TENM4: variants seen among roughly 807,000 people sequenced by gnomAD.
TENM4 encodes the protein teneurin-4.
In TENM4, 82 loss-of-function variants were observed where a neutral mutation model predicts 243.3. That is an observed-to-expected ratio of 0.34 (90% CI 0.28 to 0.40). The LOEUF (loss-of-function observed/expected upper bound fraction) is 0.40. Among genes scored for constraint, TENM4 ranks in the 10% least tolerant of loss-of-function variants. The probability of loss-of-function intolerance (pLI) is 1.00; values close to 1 mark genes in which losing one functional copy is unlikely to be tolerated. For missense variants in TENM4, 3,138 were observed against 3,673.3 expected, an observed-to-expected ratio of 0.85 and a Z score of 3.77; for synonymous variants, 1,412 against 1,456.3, an observed-to-expected ratio of 0.97 and a Z score of 0.69.
chr11:78,690,895 A>G (rs1478143209), intron 28 of TENM4, among the ~76,000 whole-genome samples: 1 of 152,226 alleles, frequency 6.6e-6, no homozygotes, highest in African/African-American at 2.4e-5. Context: ...AAATAAGACT[A>G]TTCACTTGGA....
chr11:78,700,436 T>C (rs1308992071), intron 28 of TENM4, among the ~76,000 whole-genome samples: 1 of 152,188 alleles, frequency 6.6e-6, no homozygotes, highest in Non-Finnish European at 1.5e-5. Flanking sequence ...GTGTAGCTCC[T>C]AGCCCACAGC....
At chr11:79,396,579 C>T (rs565898877) in intron 1 of TENM4, among the ~76,000 whole-genome samples, 25 of 152,302 alleles carry the variant, frequency 1.6e-4, no homozygotes, top group East Asian at 1.4e-3. Context: ...CCCCTTCCAC[C>T]CCAGGGCAAG....
chr11:79,408,655 A>G (rs968623922), intron 1 of TENM4, among the ~76,000 whole-genome samples: 36 of 152,226 alleles, frequency 2.4e-4, no homozygotes, highest in Non-Finnish European at 5.9e-5. Context: ...TACATGCTTT[A>G]TTGGAGATGG....
chr11:79,300,432 T>C (rs1391213467), intron 1 of TENM4, among the ~76,000 whole-genome samples: 1 of 152,212 alleles, frequency 6.6e-6, no homozygotes, highest in African/African-American at 2.4e-5. Context: ...AATTTTTCAC[T>C]AGTGTAAATA....
intron 6 of TENM4, among the ~76,000 whole-genome samples, chr11:79,040,418 G>GGCCTCCT (rs1565178503): frequency 2.0e-5 from 3 of 152,064 alleles, no homozygotes; most frequent in African/African-American, 7.3e-5. Context: ...GCCAGCCTCC[G>GGCCTCCT]GCCTCCTGCC....
At chr11:78,868,467 G>C (rs1859041830) in intron 9 of TENM4, among the ~76,000 whole-genome samples, 1 of 152,214 alleles carries the variant, frequency 6.6e-6, no homozygotes, top group South Asian at 2.1e-4. Context: ...CAAGAGCCAA[G>C]GTGGGGGAAG....
intron 9 of TENM4, among the ~76,000 whole-genome samples, chr11:78,865,842 T>C (rs941809501): frequency 3.3e-5 from 5 of 152,248 alleles, no homozygotes; most frequent in Non-Finnish European, 7.3e-5. Context: ...CAGCTGCCAC[T>C]GCCTAGCTGC....
intron 18 of TENM4, 114 bp downstream of exon 18, chr11:78,770,878 C>T (rs1231576332): frequency 4.2e-6 from 6 of 1,420,152 alleles, no homozygotes; most frequent in African/African-American, 1.4e-5. Flanking sequence ...CCGCAGGTCC[C>T]CCTGACTGGA....
intron 6 of TENM4, among the ~76,000 whole-genome samples, chr11:79,046,180 G>A (rs939689362): frequency 6.6e-6 from 1 of 152,232 alleles, no homozygotes; most frequent in Non-Finnish European, 1.5e-5. Flanking sequence ...TTAAGATTGT[G>A]TGTCCTGGCC....
intron 6 of TENM4, among the ~76,000 whole-genome samples, chr11:79,036,466 G>T (rs1427646945): frequency 6.6e-6 from 1 of 152,262 alleles, no homozygotes; most frequent in South Asian, 2.1e-4. Context: ...TTCTGCATGG[G>T]GCAAACATCC....
intron 20 of TENM4, among the ~76,000 whole-genome samples, chr11:78,736,164 C>G (rs1231356124): frequency 6.6e-6 from 1 of 152,002 alleles, no homozygotes; most frequent in Non-Finnish European, 1.5e-5. Flanking sequence ...GCCATGCTGC[C>G]TAGGCTGGTC....
chr11:79,350,964 C>T (rs1590901086), intron 1 of TENM4, among the ~76,000 whole-genome samples: 1 of 152,076 alleles, frequency 6.6e-6, no homozygotes, highest in Non-Finnish European at 1.5e-5. Flanking sequence ...CCTCCCCTAC[C>T]TCCCTCAGAC....
At chr11:79,094,337 C>T (rs1305172497) in intron 4 of TENM4, among the ~76,000 whole-genome samples, 2 of 152,280 alleles carry the variant, frequency 1.3e-5, no homozygotes, top group African/African-American at 2.4e-5. Flanking sequence ...TGTGCAAGTG[C>T]CATTTTTAAA....
At chr11:79,282,698 A>G (rs775862315) in intron 2 of TENM4, among the ~76,000 whole-genome samples, 5 of 152,180 alleles carry the variant, frequency 3.3e-5, no homozygotes, top group Non-Finnish European at 7.3e-5. Flanking sequence ...ATAATGGTGT[A>G]AGCATTGGTC....
intron 31 of TENM4, 142 bp from the exon 32 acceptor site, chr11:78,670,693 C>G: frequency 2.4e-6 from 2 of 826,214 alleles, no homozygotes; most frequent in African/African-American, 1.7e-5. Context: ...ATGCTCCAAC[C>G]AGAGCTCTCC....
At chr11:78,850,061 C>CTCTGTGTGTG (rs1555089896) in intron 12 of TENM4, among the ~76,000 whole-genome samples, 6 of 149,896 alleles carry the variant, frequency 4.0e-5, no homozygotes, top group African/African-American at 1.2e-4. Context: ...TTTCAGTGCT[C>CTCTGTGTGTG]TGTGTGTGTG....
At chr11:79,034,924 G>C (rs566656391) in intron 6 of TENM4, among the ~76,000 whole-genome samples, 1 of 152,296 alleles carries the variant, frequency 6.6e-6, no homozygotes, top group East Asian at 1.9e-4. Flanking sequence ...TGCTCAACAG[G>C]ATCCCAGAGG....
intron 6 of TENM4, among the ~76,000 whole-genome samples, chr11:78,993,358 T>C (rs2136672020): frequency 6.6e-6 from 1 of 152,344 alleles, no homozygotes; most frequent in East Asian, 1.9e-4. Flanking sequence ...AGCAATTTTA[T>C]TACGGTTTTG....
At chr11:78,890,268 C>T (rs547125) in intron 8 of TENM4, among the ~76,000 whole-genome samples, 6 of 152,054 alleles carry the variant, frequency 3.9e-5, no homozygotes, top group South Asian at 2.1e-4. Flanking sequence ...AACCCACCCA[C>T]GGCAAGGCAG....
Sources: gnomAD v4.1 joint callset for allele counts (sites outside exome capture counted in the v4.1 genomes callset) on GRCh38, gnomAD v4.1.1 for gene constraint, MANE v1.5 for transcripts, NCBI Gene and HGNC (gene_info 2026-07-23, HGNC 2026-07-21) for gene names.